Variants in MIER1 observed in about 807,000 individuals in gnomAD.
The protein encoded by MIER1 is mesoderm induction early response protein 1.
MIER1 carries 40 observed loss-of-function variants against 75.7 expected under a neutral mutation model. That is an observed-to-expected ratio of 0.53 (90% confidence interval 0.41 to 0.69). The LOEUF is 0.69. Among genes scored for constraint, MIER1 ranks in the 30% least tolerant of loss-of-function variants. The pLI, the probability that MIER1 is intolerant of heterozygous loss-of-function variation, is 0.00. For synonymous variants in MIER1, 213 were observed against 223.4 expected, an observed-to-expected ratio of 0.95 and a Z score of 0.42; for missense variants, 574 against 680.2, an observed-to-expected ratio of 0.84 and a Z score of 1.74.
Position 66,929,905 on chromosome 1 carries a change from CAAAAACGACCTACATGTAAAAT to C in MIER1, c.168+3665_168+3686del, listed in dbSNP as rs1652667440. Among the ~76,000 whole-genome samples the C allele has an allele frequency of 2.0e-5, 3 of 152,366 alleles. 1 individual carries two copies. In the South Asian group the frequency reaches 6.2e-4, roughly 32 times the overall value. ...CATCCGTTTTTCAGCAAATGCATTT[CAAAAACGACCTACATGTAAAAT>C]ATTACGTATTTTTCCTCTGCTGTGT... On this transcript the variant is annotated intron_variant, in intron 2 of 13. Transcript: ENST00000401041.
At chr1:66,968,434 CTTTT>C (rs35832076) in intron 8 of MIER1, among the ~76,000 whole-genome samples, 2 of 149,036 alleles carry the variant, frequency 1.3e-5, no homozygotes, top group Non-Finnish European at 3.0e-5. Flanking sequence ...TGAACACAGA[CTTTT>C]TTTTTTAAGT....
intron 3 of MIER1, among the ~76,000 whole-genome samples, chr1:66,940,543 A>G (rs1655979657): frequency 6.6e-6 from 1 of 152,174 alleles, no homozygotes; most frequent in Admixed American, 6.5e-5. Context: ...AATCATTCTT[A>G]GATTTGAATA....
chr1:66,964,377 A>AT (rs919943041), intron 8 of MIER1, among the ~76,000 whole-genome samples: 3 of 148,732 alleles, frequency 2.0e-5, no homozygotes, highest in African/African-American at 7.4e-5. Context: ...CTGGCTGAAG[A>AT]TTTTTTTTAA....
chr1:66,944,341 T>C (rs934014206), intron 3 of MIER1, among the ~76,000 whole-genome samples: 1 of 151,864 alleles, frequency 6.6e-6, no homozygotes, highest in African/African-American at 2.4e-5. Flanking sequence ...GTAACTCATT[T>C]GTTTATCAGT....
At chr1:66,976,245 A>AC (rs370748862) in intron 11 of MIER1, among the ~76,000 whole-genome samples, 13,028 of 151,230 alleles carry the variant, frequency 0.086, 774 homozygotes, top group African/African-American at 0.17. Flanking sequence ...CTCGTGATCC[A>AC]CCCCCCTTGG....
In MIER1 at chr1:66,985,814, A is replaced by ATTTTTTTTTTTTTTTTTTTTTT. The variant is rs150870135; in HGVS notation, c.*916_*937dup. ...TAAAGCATTCATAAAGGATTATAAA[A>ATTTTTTTTTTTTTTTTTTTTTT]TTTTTTTTTTTTTTTTTTTTTTTAA... On this transcript the variant is annotated 3_prime_UTR_variant, in exon 14 of 14. Coordinates refer to ENST00000401041, the MANE Select transcript of MIER1 (RefSeq NM_001077700.3). 1 of 578,690 alleles carries ATTTTTTTTTTTTTTTTTTTTTT rather than the reference A, an allele frequency of 1.7e-6. No homozygotes were observed. The highest frequency in any genetic ancestry group is 2.1e-6 in the Non-Finnish European group (1 of 470,266). The allele number at this position is 578,690 out of a possible 1,614,324, so 35.8% of individuals were successfully genotyped here. A position where few individuals can be genotyped will look rare whatever the true frequency, so the allele number is the denominator to read the frequency against.
chr1:66,934,321 C>T (rs1341210805), intron 2 of MIER1, among the ~76,000 whole-genome samples: 1 of 151,938 alleles, frequency 6.6e-6, no homozygotes, highest in African/African-American at 2.4e-5. Flanking sequence ...CTAGGTCGTG[C>T]AATTCATCTA....
chr1:66,980,317 A>G (rs374648317), intron 12 of MIER1, among the ~76,000 whole-genome samples: 7 of 152,324 alleles, frequency 4.6e-5, no homozygotes, highest in African/African-American at 1.7e-4. Flanking sequence ...AAGACCATCT[A>G]ATTGAATTCC....
rs1259422395 is a variant in MIER1 at position 66,985,192 on chromosome 1, T to C, written c.*292T>C. On this transcript the variant is annotated 3_prime_UTR_variant, in exon 14 of 14. Coordinates refer to ENST00000401041, the MANE Select transcript of MIER1 (RefSeq NM_001077700.3). ...GTTCATTCAGATTTACTAATTTTGGTAAATCTGAATGAACTAAAGATGTAT... is the reference window on the plus strand; with the variant it reads ...GTTCATTCAGATTTACTAATTTTGGCAAATCTGAATGAACTAAAGATGTAT... 22 of 978,986 alleles carry C rather than the reference T, an allele frequency of 2.2e-5. No homozygotes were observed. The highest frequency in any genetic ancestry group is 2.7e-5 in the Non-Finnish European group (22 of 815,258). 60.6% of individuals were successfully genotyped at this position (978,986 alleles called of 1,614,324 possible).
Position 66,970,806 on chromosome 1 carries a change from A to C in MIER1, c.773-2A>C. ...GTTTAACATTGTCTTTTACTAATTTAGTATATGAAAATGATGATCAGCTCC... is the reference window on the plus strand; with the variant it reads ...GTTTAACATTGTCTTTTACTAATTTCGTATATGAAAATGATGATCAGCTCC... On this transcript the variant is annotated splice_acceptor_variant, in intron 8 of 13. Transcript: ENST00000401041. LOFTEE classifies it high-confidence loss of function. 6.5e-7 allele frequency: 1 copy of C among 1,539,184 alleles called. No individual in the cohort carries two copies. Among genetic ancestry groups the C allele is most frequent in the Non-Finnish European group, 8.7e-7 (1 of 1,149,898 alleles).
chr1:66,950,684 T>G (rs1048125227), intron 4 of MIER1, among the ~76,000 whole-genome samples: 7 of 140,342 alleles, frequency 5.0e-5, no homozygotes, highest in African/African-American at 1.9e-4. Context: ...TGTGAGAGAT[T>G]GCAGTATTTT....
intron 1 of MIER1, among the ~76,000 whole-genome samples, 163 bp from the exon 2 acceptor site, chr1:66,925,978 CA>C (rs1397248711): frequency 6.6e-6 from 1 of 151,884 alleles, no homozygotes; most frequent in African/African-American, 2.4e-5. Flanking sequence ...TCATTAGTTA[CA>C]AATTGCATGA....
chr1:66,985,183 T>C lies in MIER1; in HGVS notation c.*283T>C. 7.2e-6 allele frequency: 7 copies of C among 966,018 alleles called. No homozygotes were observed. Among genetic ancestry groups the C allele is most frequent in the South Asian group, 4.7e-5 (1 of 21,370 alleles). 59.8% of individuals were successfully genotyped at this position (966,018 alleles called of 1,614,324 possible). A position where few individuals can be genotyped will look rare whatever the true frequency, so the allele number is the denominator to read the frequency against. ...ATATCTTTAGTTCATTCAGATTTAC[T>C]AATTTTGGTAAATCTGAATGAACTA... On this transcript the variant is annotated 3_prime_UTR_variant, in exon 14 of 14. Coordinates refer to ENST00000401041, the MANE Select transcript of MIER1 (RefSeq NM_001077700.3).
intron 3 of MIER1, among the ~76,000 whole-genome samples, chr1:66,943,135 C>T (rs971267809): frequency 1.3e-5 from 2 of 152,134 alleles, no homozygotes; most frequent in African/African-American, 4.8e-5. Flanking sequence ...TACATGATTA[C>T]TGACTGACTA....
chr1:66,939,890 A>C (rs1373546747), intron 2 of MIER1, 138 bp from the exon 3 acceptor site: 5 of 609,274 alleles, frequency 8.2e-6, no homozygotes, highest in Non-Finnish European at 2.9e-6. Flanking sequence ...TGGAAAATGC[A>C]GACATTAAAA....
At chr1:66,979,857 C>T (rs972681254) in intron 12 of MIER1, among the ~76,000 whole-genome samples, 11 of 151,986 alleles carry the variant, frequency 7.2e-5, no homozygotes, top group Non-Finnish European at 7.4e-5. Context: ...CTCCACCGCC[C>T]GGGTTGAAGT....
At chr1:66,948,617 G>T (rs1658207943) in intron 4 of MIER1, among the ~76,000 whole-genome samples, 1 of 152,206 alleles carries the variant, frequency 6.6e-6, no homozygotes, top group Admixed American at 6.5e-5. Flanking sequence ...GAAGGGCTGG[G>T]CATAGTGGTT....
Position 66,981,846 on chromosome 1 carries a change from C to G in MIER1, c.1297C>G (p.Pro433Ala), listed in dbSNP as rs758337482. ...ATCTAGTCGAGCACCATCCCCTCCC[C>G]CAACTGCATCAAACAGTAGTAACAG... is the stretch of plus-strand genomic sequence containing the variant. ...AASSRAPSPP[P>A]TASNSSNSQS... The change falls in exon 13 of 14, where the codon CCA becomes GCA. Residue 433 changes from proline to alanine, a missense_variant. Around this residue, in one of 3 missense-constraint regions of MIER1, gnomAD observed 164 missense variants for 154.3 expected, o/e 1.06. Transcript: ENST00000401041. 18 of 1,613,890 alleles carry G rather than the reference C, an allele frequency of 1.1e-5. No homozygotes were observed. Among genetic ancestry groups the G allele is most frequent in the South Asian group, 4.4e-5 (4 of 91,078 alleles).
chr1:66,944,663 C>T (rs1657063195), intron 3 of MIER1, among the ~76,000 whole-genome samples: 1 of 151,908 alleles, frequency 6.6e-6, no homozygotes, highest in South Asian at 2.1e-4. Context: ...CAGTCTTTGG[C>T]GTTATTTCTG....
Sources: allele counts gnomAD v4.1 joint callset (sites outside exome capture counted in the v4.1 genomes callset), GRCh38; gene constraint gnomAD v4.1.1; regional missense constraint gnomAD v4.1.1; transcripts MANE v1.5; gene names NCBI Gene and HGNC (gene_info 2026-07-23, HGNC 2026-07-21).